CDC7: variants seen among roughly 807,000 people sequenced by gnomAD.
CDC7 encodes cell division cycle 7.
A neutral mutation model predicts 53.5 loss-of-function variants in CDC7; 34 were observed. The ratio of observed to expected loss-of-function variants is 0.64; its 90% CI spans 0.48 to 0.85. CDC7 has a LOEUF of 0.85. Among genes scored for constraint, CDC7 ranks in the 40% least tolerant of loss-of-function variants. The pLI is 0.00. For missense variants in CDC7, 594 were observed against 679.7 expected (o/e 0.87, Z 1.40); for synonymous variants, 211 against 222.8 (o/e 0.95, Z 0.47).
intron 11 of CDC7, among the ~76,000 whole-genome samples, chr1:91,521,817 C>T (rs1365577629): frequency 1.3e-5 from 2 of 151,962 alleles, no homozygotes; most frequent in African/African-American, 4.8e-5. Flanking sequence ...AGATCAAGTG[C>T]CATGATAGCA....
intron 11 of CDC7, among the ~76,000 whole-genome samples, chr1:91,522,644 A>G (rs972609470): frequency 6.6e-6 from 1 of 152,232 alleles, no homozygotes; most frequent in Non-Finnish European, 1.5e-5. Context: ...TGACTTCAGA[A>G]CAAGCTAATA....
chr1:91,501,012 C>G (rs1666627520), intron 1 of CDC7, 64 bp downstream of exon 1: 1 of 152,282 alleles, frequency 6.6e-6, no homozygotes, highest in Non-Finnish European at 1.5e-5. Flanking sequence ...AATTCTGGAT[C>G]GTGACTTCGG....
intron 10 of CDC7, among the ~76,000 whole-genome samples, chr1:91,519,061 G>GAA (rs567313615): frequency 5.3e-5 from 6 of 112,264 alleles, no homozygotes; most frequent in East Asian, 2.5e-4. Context: ...ACCCCATCTC[G>GAA]AAAAAAAAAA....
At position 91,524,679 on chromosome 1, in the gene CDC7, A is replaced by G; in HGVS notation, c.*244A>G. On this transcript the variant is annotated 3_prime_UTR_variant, in exon 12 of 12. Transcript: ENST00000234626. ...CTAAGTAGATTTTAGGTGGGTTCCT[A>G]TTAGGTCAGATTTTTAGCTTCCCTA... The G allele has an allele frequency of 2.6e-6, 1 of 386,326 alleles. No homozygotes were observed. Among genetic ancestry groups the G allele is most frequent in the Non-Finnish European group, 4.6e-6 (1 of 218,390 alleles). 23.9% of individuals were successfully genotyped at this position (386,326 alleles called of 1,614,324 possible). A position where few individuals can be genotyped will look rare whatever the true frequency, so the allele number is the denominator to read the frequency against.
At position 91,501,373 on chromosome 1, in the gene CDC7, C is replaced by A. The variant is rs752024044; in HGVS notation, c.-63-281C>A. On this transcript the variant is annotated intron_variant, in intron 1 of 11. Coordinates refer to ENST00000234626, the MANE Select transcript of CDC7 (RefSeq NM_003503.4). ...GCTCGGCCCCTCCCCCACGCGGTCC[C>A]GCTGGCTGTGCCGGACTGGCAGCCT... The A allele has an allele frequency of 1.4e-4, 36 of 250,580 alleles. 2 individuals carry two copies. In the South Asian group the frequency reaches 3.7e-3, roughly 26 times the overall value. The allele number at this position is 250,580 out of a possible 1,614,324, so 15.5% of individuals were successfully genotyped here.
At position 91,505,398 on chromosome 1, in the gene CDC7, CTGTT is replaced by C. The variant is rs200581064; in HGVS notation, c.116-2453_116-2450del. Among the ~76,000 whole-genome samples, 127 of 152,274 alleles carry C rather than the reference CTGTT, an allele frequency of 8.3e-4. 1 individual carries two copies. The East Asian group carries it at 0.024, about 28-fold the overall frequency. ...TTTATCAGAATACTCTGTTTAAACT[CTGTT>C]TGCTATGTTGCAAGCCGACTGGCTA... On this transcript the variant is annotated intron_variant, in intron 2 of 11. Coordinates refer to ENST00000234626, the MANE Select transcript of CDC7 (RefSeq NM_003503.4).
chr1:91,507,122 C>T (rs1028088574), intron 2 of CDC7, among the ~76,000 whole-genome samples: 1 of 152,128 alleles, frequency 6.6e-6, no homozygotes, highest in African/African-American at 2.4e-5. Context: ...CTGCATGTGC[C>T]GGTGCTTTGA....
intron 10 of CDC7, among the ~76,000 whole-genome samples, chr1:91,516,404 G>A (rs1025382032): frequency 6.6e-6 from 1 of 152,088 alleles, no homozygotes; most frequent in East Asian, 1.9e-4. Context: ...ACTTACCATG[G>A]AGCTGGAATC....
chr1:91,517,840 A>G (rs1007409537), intron 10 of CDC7, among the ~76,000 whole-genome samples: 6 of 152,050 alleles, frequency 3.9e-5, no homozygotes, highest in Non-Finnish European at 8.8e-5. Flanking sequence ...GCTCATGCCT[A>G]TAATACCAGC....
At chr1:91,516,880 C>G (rs1323950320) in intron 10 of CDC7, among the ~76,000 whole-genome samples, 2 of 152,142 alleles carry the variant, frequency 1.3e-5, no homozygotes, top group Admixed American at 6.5e-5. Context: ...GCCTGACCAA[C>G]ATGGTGAAAC....
Position 91,521,738 on chromosome 1 carries a change from C to T in CDC7, c.1330+1459C>T, listed in dbSNP as rs184015116. 1.4e-3 allele frequency among the ~76,000 whole-genome samples: 213 copies of T among 152,212 alleles called. 3 individuals are homozygous for T. The highest frequency in any genetic ancestry group is 0.014 in the Admixed American group (208 of 15,282). The stretch of plus-strand genomic sequence containing the variant: ...ATATTTTATTGAAGAGCTTGAATCT[C>T]CCCCATTGTAATCCAAGTTATAATC... On this transcript the variant is annotated intron_variant, in intron 11 of 11. Transcript: ENST00000234626.
At position 91,525,442 on chromosome 1, in the gene CDC7, A is replaced by G. The variant is rs1406473378; in HGVS notation, c.*1007A>G. The G allele has an allele frequency of 6.6e-6, 1 of 152,166 alleles. No homozygotes were observed. The highest frequency in any genetic ancestry group is 2.4e-5 in the African/African-American group (1 of 41,460). The allele number at this position is 152,166 out of a possible 1,614,324, so 9.4% of individuals were successfully genotyped here. A position where few individuals can be genotyped will look rare whatever the true frequency, so the allele number is the denominator to read the frequency against. On this transcript the variant is annotated 3_prime_UTR_variant, in exon 12 of 12. Transcript: ENST00000234626. ...AAGACAGATAATGAAGTAGGCAAAG[A>G]GAAAAGGACCCAAGATAGAGGTTTA...
chr1:91,513,336 G>A (rs760821604), intron 7 of CDC7, 29 bp downstream of exon 7: 16 of 1,592,610 alleles, frequency 1.0e-5, no homozygotes, highest in African/African-American at 5.4e-5. Flanking sequence ...CTTAAGTACC[G>A]ACACTGTTTT....
At chr1:91,510,423 T>C (rs1267100525) in intron 4 of CDC7, among the ~76,000 whole-genome samples, 1 of 152,206 alleles carries the variant, frequency 6.6e-6, no homozygotes, top group Non-Finnish European at 1.5e-5. Context: ...GTAAATTTTA[T>C]TCACTATTGC....
At position 91,513,026 on chromosome 1, in the gene CDC7, G is replaced by A. The variant is rs906841078; in HGVS notation, c.573-32G>A. 2.5e-6 allele frequency: 4 copies of A among 1,600,408 alleles called. No homozygotes were observed. In the Admixed American group the frequency reaches 5.1e-5, roughly 21 times the overall value. On this transcript the variant is annotated intron_variant, in intron 6 of 11. Coordinates refer to ENST00000234626, the MANE Select transcript of CDC7 (RefSeq NM_003503.4). Reference sequence around the variant, plus strand: ...ATGTTACTAAGCTTTAATTGCTACAGATAAGTAAAAATGCTTAATTTTGTC... The same window carrying A: ...ATGTTACTAAGCTTTAATTGCTACAAATAAGTAAAAATGCTTAATTTTGTC...
At position 91,524,659 on chromosome 1, in the gene CDC7, T is replaced by C; in HGVS notation, c.*224T>C. The stretch of plus-strand genomic sequence containing the variant: ...CTTCTTTGAGTTAAACCTACCTAAG[T>C]AGATTTTAGGTGGGTTCCTATTAGG... On this transcript the variant is annotated 3_prime_UTR_variant, in exon 12 of 12. Coordinates refer to ENST00000234626, the MANE Select transcript of CDC7 (RefSeq NM_003503.4). 4 of 451,130 alleles carry C rather than the reference T, an allele frequency of 8.9e-6. No individual in the cohort carries two copies. The highest frequency in any genetic ancestry group is 9.4e-5 in the South Asian group (2 of 21,330). 27.9% of individuals were successfully genotyped at this position (451,130 alleles called of 1,614,324 possible). A position where few individuals can be genotyped will look rare whatever the true frequency, so the allele number is the denominator to read the frequency against.
At chr1:91,519,256 CAAAAAAAAAAAA>C (rs71087957) in intron 10 of CDC7, among the ~76,000 whole-genome samples, 32 of 60,196 alleles carry the variant, frequency 5.3e-4, no homozygotes, top group African/African-American at 9.1e-4. Context: ...ACTAAAAATA[CAAAAAAAAAAAA>C]AAAAAAAAAA....
chr1:91,508,088 A>C (rs1667085763), intron 3 of CDC7, 151 bp downstream of exon 3: 2 of 792,910 alleles, frequency 2.5e-6, no homozygotes, highest in Non-Finnish European at 3.9e-6. Flanking sequence ...AATTATGGTA[A>C]CAGCTTTTCT....
intron 2 of CDC7, among the ~76,000 whole-genome samples, chr1:91,504,341 A>G (rs1210117095): frequency 1.3e-5 from 2 of 152,092 alleles, no homozygotes; most frequent in Non-Finnish European, 2.9e-5. Flanking sequence ...TCCTGGCCTC[A>G]AGTGATCCCC....
Sources: gnomAD v4.1 joint callset for allele counts (sites outside exome capture counted in the v4.1 genomes callset) on GRCh38, gnomAD v4.1.1 for gene constraint, MANE v1.5 for transcripts, NCBI Gene and HGNC (gene_info 2026-07-23, HGNC 2026-07-21) for gene names.